Variants in PCDHGA7 observed in about 807,000 individuals in gnomAD.
The protein encoded by PCDHGA7 is protocadherin gamma subfamily A, 7, also known as protocadherin gamma-A7.
A neutral mutation model predicts 58.3 loss-of-function variants in PCDHGA7; 44 were observed. The ratio of observed to expected loss-of-function variants is 0.75; its 90% CI spans 0.59 to 0.97. PCDHGA7 has a LOEUF of 0.97. Ranked by LOEUF, PCDHGA7 falls within the 50% of genes least tolerant of loss-of-function variation. The probability of loss-of-function intolerance (pLI) is 0.00; values close to 1 mark genes in which losing one functional copy is unlikely to be tolerated. For synonymous variants in PCDHGA7, 516 were observed against 504.2 expected (o/e 1.02, Z -0.31); for missense variants, 1,266 against 1,188.7 (o/e 1.06, Z -0.96).
chr5:141,403,707 T>C (rs2094445205), intron 1 of PCDHGA7: 2 of 1,613,778 alleles, frequency 1.2e-6, no homozygotes, highest in African/African-American at 2.7e-5. Flanking sequence ...GTTAAAGTCC[T>C]TGAGAACGTG....
chr5:141,398,692 AG>A, intron 1 of PCDHGA7: 1 of 1,613,942 alleles, frequency 6.2e-7, no homozygotes, highest in Non-Finnish European at 8.5e-7. Context: ...ACAGGATGGT[AG>A]TAAATACCCG....
chr5:141,429,741 C>T (rs2097240604), intron 1 of PCDHGA7, among the ~76,000 whole-genome samples: 1 of 152,106 alleles, frequency 6.6e-6, no homozygotes, highest in Admixed American at 6.5e-5. Flanking sequence ...CCAGTTATTT[C>T]TTAGGGAGAA....
intron 1 of PCDHGA7, chr5:141,423,852 GT>G (rs971165220): frequency 2.5e-5 from 32 of 1,279,282 alleles, no homozygotes; most frequent in Non-Finnish European, 3.0e-5. Context: ...CTTTCAGAAC[GT>G]TTTTGTGAAA....
At position 141,431,639 on chromosome 5, in the gene PCDHGA7, C is replaced by T; in HGVS notation, c.2424+46316C>T. 1 of 1,614,262 alleles carries T rather than the reference C, an allele frequency of 6.2e-7. No homozygotes were observed. The highest frequency in any genetic ancestry group is 8.5e-7 in the Non-Finnish European group (1 of 1,180,046). On this transcript the variant is annotated intron_variant, in intron 1 of 3. Transcript: ENST00000518325. This position sits in a 1 kb window ranked among gnomAD's most constrained non-coding sequence, Gnocchi z 4.8. Reference sequence around the variant, plus strand: ...CGACAAGGCGGCCCAAGTTTTCAAACTAGATTGTAATTCAGGGACAATATC... The same window carrying T: ...CGACAAGGCGGCCCAAGTTTTCAAATTAGATTGTAATTCAGGGACAATATC...
At chr5:141,418,898 A>G (rs768409383) in intron 1 of PCDHGA7, 2 of 1,614,016 alleles carry the variant, frequency 1.2e-6, no homozygotes, top group South Asian at 2.2e-5. Flanking sequence ...CAGCCCAGAA[A>G]TAATCATCAC....
In PCDHGA7 at chr5:141,413,494, G is replaced by A. The variant is rs778441176; in HGVS notation, c.2424+28171G>A. The A allele has an allele frequency of 2.5e-5, 41 of 1,613,924 alleles. No homozygotes were observed. Among genetic ancestry groups the A allele is most frequent in the Non-Finnish European group, 3.1e-5 (37 of 1,179,948 alleles). On this transcript the variant is annotated intron_variant, in intron 1 of 3. Transcript: ENST00000518325. Reference sequence around the variant, plus strand: ...GCTCTGCGCTCAGAGCGCGCGGTGCGTGGTGAGTTTTAATATCCTTGTGGA... The same window carrying A: ...GCTCTGCGCTCAGAGCGCGCGGTGCATGGTGAGTTTTAATATCCTTGTGGA...
chr5:141,467,233 A>G (rs1009794220), intron 1 of PCDHGA7, among the ~76,000 whole-genome samples: 1 of 151,564 alleles, frequency 6.6e-6, no homozygotes, highest in South Asian at 2.1e-4. Flanking sequence ...TTGTATTTTT[A>G]GTAGAGATGG....
At chr5:141,395,110 GTCACCTGATCTT>G in intron 1 of PCDHGA7, 2 of 1,614,214 alleles carry the variant, frequency 1.2e-6, no homozygotes, top group African/African-American at 1.3e-5. Flanking sequence ...TCGCGGAAGA[GTCACCTGATCTT>G]TCCCCAGCCC....
In PCDHGA7 at chr5:141,491,272, A is replaced by G. The variant is rs2099710110; in HGVS notation, c.2425-3535A>G. On this transcript the variant is annotated intron_variant, in intron 1 of 3. Transcript: ENST00000518325. The surrounding 1 kb of genome is among the most constrained non-coding windows in gnomAD (Gnocchi z 6.9). The stretch of plus-strand genomic sequence containing the variant: ...GGACCCTGAGGAAATGCCCAAATCC[A>G]GTGACTTCCTCATACACCCTCCTGA... The G allele has an allele frequency of 1.2e-6, 2 of 1,614,084 alleles. No homozygotes were observed. Among genetic ancestry groups the G allele is most frequent in the Non-Finnish European group, 1.7e-6 (2 of 1,179,928 alleles).
chr5:141,504,180 A>G (rs1195970606), intron 2 of PCDHGA7, among the ~76,000 whole-genome samples: 1 of 152,236 alleles, frequency 6.6e-6, no homozygotes, highest in Non-Finnish European at 1.5e-5. Context: ...ATTCAAAAAA[A>G]TCATGAAAAT....
chr5:141,395,489 A>C (rs1268928793), intron 1 of PCDHGA7: 1 of 480,438 alleles, frequency 2.1e-6, no homozygotes, highest in Non-Finnish European at 3.6e-6. Flanking sequence ...TCCTATTATC[A>C]CTCATTCACT....
At chr5:141,420,230 A>G (rs758649822) in intron 1 of PCDHGA7, 3 of 1,601,528 alleles carry the variant, frequency 1.9e-6, no homozygotes, top group Admixed American at 1.7e-5. Flanking sequence ...ACTGGCTAGC[A>G]TTTTAACTCC....
chr5:141,418,980 A>T, intron 1 of PCDHGA7: 1 of 1,614,004 alleles, frequency 6.2e-7, no homozygotes. Flanking sequence ...ACACGGGACC[A>T]AGACTCAGGG....
rs777990962 is a variant in PCDHGA7, at chr5:141,431,580, A to T, written c.2424+46257A>T. ...GCTACCGACCCTGACGAAGGAGTCA[A>T]TGCGGAAGTGAGGTATTCCTTCCGG... is the stretch of plus-strand genomic sequence containing the variant. On this transcript the variant is annotated intron_variant, in intron 1 of 3. Coordinates refer to ENST00000518325, the MANE Select transcript of PCDHGA7 (RefSeq NM_018920.4). The surrounding 1 kb of genome is among the most constrained non-coding windows in gnomAD (Gnocchi z 4.8). The T allele has an allele frequency of 6.2e-7, 1 of 1,614,216 alleles. No individual in the cohort carries two copies.
chr5:141,418,804 T>A, intron 1 of PCDHGA7: 2 of 1,613,836 alleles, frequency 1.2e-6, no homozygotes, highest in Non-Finnish European at 1.7e-6. Flanking sequence ...TAGAAAGATA[T>A]ACGATAAACA....
intron 1 of PCDHGA7, among the ~76,000 whole-genome samples, chr5:141,481,710 T>C (rs1447483213): frequency 6.6e-6 from 1 of 151,556 alleles, no homozygotes; most frequent in Non-Finnish European, 1.5e-5. Context: ...TCCCAGCACT[T>C]TGGGAGGCGG....
intron 1 of PCDHGA7, chr5:141,427,298 G>C (rs960474831): frequency 4.4e-6 from 2 of 456,752 alleles, no homozygotes; most frequent in East Asian, 1.4e-4. Context: ...TCCTAGATGA[G>C]AATGACAATG....
At position 141,491,672 on chromosome 5, in the gene PCDHGA7, G is replaced by A. The variant is rs754836157; in HGVS notation, c.2425-3135G>A. The A allele has an allele frequency of 9.9e-6, 16 of 1,613,494 alleles. No homozygotes were observed. The South Asian group carries it at 1.4e-4, about 14-fold the overall frequency. On this transcript the variant is annotated intron_variant, in intron 1 of 3. Transcript: ENST00000518325. This position sits in a 1 kb window ranked among gnomAD's most constrained non-coding sequence, Gnocchi z 6.9. ...CTGGAGCCTGACGCCATCCGGTCCCGCTCTAATACGCTGCGGGAGCGGAGC... is the reference window on the plus strand; with the variant it reads ...CTGGAGCCTGACGCCATCCGGTCCCACTCTAATACGCTGCGGGAGCGGAGC...
At chr5:141,415,740 G>GTTTTTTTTTTTTTTTTTTTTTTTTTTT (rs57426385) in intron 1 of PCDHGA7, 4 of 625,042 alleles carry the variant, frequency 6.4e-6, no homozygotes, top group Non-Finnish European at 6.4e-6. Flanking sequence ...GTTTATTAAG[G>GTTTTTTTTTTTTTTTTTTTTTTTTTTT]TTTTTTTTTT....
Sources: allele counts gnomAD v4.1 joint callset (sites outside exome capture counted in the v4.1 genomes callset), GRCh38; gene constraint gnomAD v4.1.1; non-coding constraint Gnocchi (gnomAD v3.1); transcripts MANE v1.5; gene names NCBI Gene and HGNC (gene_info 2026-07-23, HGNC 2026-07-21).